NARS2: variants seen among roughly 807,000 people sequenced by gnomAD.
NARS2 encodes the protein asparaginyl-tRNA synthetase.
A neutral mutation model predicts 62.9 loss-of-function variants in NARS2; 60 were observed. The ratio of observed to expected loss-of-function variants is 0.95; its 90% CI spans 0.77 to 1.18. The LOEUF (loss-of-function observed/expected upper bound fraction) is 1.18, where lower values mean the gene tolerates loss of function less well. Among genes scored for constraint, NARS2 ranks in the 50% most tolerant of loss-of-function variants. NARS2 has a pLI of 0.00. For synonymous variants in NARS2, 196 were observed against 200.0 expected (o/e 0.98, Z 0.17); for missense variants, 619 against 576.4 (o/e 1.07, Z -0.76).
At chr11:78,504,799 T>C (rs1442625226) in intron 6 of NARS2, among the ~76,000 whole-genome samples, 2 of 152,132 alleles carry the variant, frequency 1.3e-5, no homozygotes, top group African/African-American at 4.8e-5. Flanking sequence ...ATTTAATCTG[T>C]TCGTATCTAT....
At chr11:78,454,889 T>C (rs985764273) in intron 11 of NARS2, among the ~76,000 whole-genome samples, 10 of 152,188 alleles carry the variant, frequency 6.6e-5, no homozygotes, top group African/African-American at 2.2e-4. Flanking sequence ...AGTGCTGGGA[T>C]CACAAGCATG....
chr11:78,534,810 T>C lies in NARS2; in HGVS notation c.595-5874A>G, dbSNP rs553697149. Among the ~76,000 whole-genome samples, 3 of 152,268 alleles carry C rather than the reference T, an allele frequency of 2.0e-5. No homozygotes were observed. The East Asian group carries it at 5.8e-4, about 29-fold the overall frequency. On this transcript the variant is annotated intron_variant, in intron 5 of 13. Transcript: ENST00000281038. ...AAGTAGGACCTGGAAATATGGGAGA[T>C]ACCTAAATCTGAGCGAGGACACAAA...
chr11:78,454,063 CA>C (rs1202961031), intron 11 of NARS2, among the ~76,000 whole-genome samples: 3 of 152,126 alleles, frequency 2.0e-5, no homozygotes, highest in Non-Finnish European at 4.4e-5. Context: ...TCAAGTGAAC[CA>C]GAAGAAAACA....
At chr11:78,461,922 C>T (rs550938953) in intron 11 of NARS2, among the ~76,000 whole-genome samples, 3 of 152,086 alleles carry the variant, frequency 2.0e-5, no homozygotes, top group East Asian at 1.9e-4. Context: ...CATTGCACTC[C>T]AGCCTGGAAG....
At chr11:78,483,643 C>T (rs150244232) in intron 7 of NARS2, among the ~76,000 whole-genome samples, 2,417 of 152,166 alleles carry the variant, frequency 0.016, 23 homozygotes, top group Non-Finnish European at 0.027. Context: ...TTCACAACTG[C>T]TACAAAGAGA....
intron 3 of NARS2, among the ~76,000 whole-genome samples, chr11:78,566,951 T>C (rs1312349586): frequency 1.2e-5 from 1 of 85,248 alleles, no homozygotes; most frequent in Non-Finnish European, 3.1e-5. Context: ...GCAGCCTGTT[T>C]CTTTCAGTCT....
chr11:78,554,187 T>A (rs1856240629), intron 5 of NARS2, among the ~76,000 whole-genome samples: 1 of 152,204 alleles, frequency 6.6e-6, no homozygotes. Context: ...CTTTGTTCTT[T>A]TTGCTTAGGA....
intron 5 of NARS2, among the ~76,000 whole-genome samples, chr11:78,530,039 T>C (rs971715116): frequency 6.6e-6 from 1 of 152,214 alleles, no homozygotes; most frequent in Non-Finnish European, 1.5e-5. Context: ...TGTATCGGTA[T>C]CTGTGGATAA....
chr11:78,488,654 G>A (rs1012271741), intron 7 of NARS2, among the ~76,000 whole-genome samples: 4 of 152,186 alleles, frequency 2.6e-5, no homozygotes, highest in Admixed American at 6.5e-5. Flanking sequence ...TTAATACATA[G>A]AACTTGTAAT....
chr11:78,527,602 C>T (rs1861337013), intron 6 of NARS2, among the ~76,000 whole-genome samples: 1 of 152,162 alleles, frequency 6.6e-6, no homozygotes, highest in African/African-American at 2.4e-5. Context: ...TAGCAAAGTA[C>T]AAAAGTAAAT....
intron 5 of NARS2, among the ~76,000 whole-genome samples, chr11:78,542,966 T>C (rs189719246): frequency 2.6e-5 from 4 of 152,314 alleles, no homozygotes; most frequent in African/African-American, 9.6e-5. Flanking sequence ...AGTTAAGTTA[T>C]TGATAACTGG....
intron 9 of NARS2, among the ~76,000 whole-genome samples, chr11:78,478,166 AG>A (rs1185826497): frequency 1.4e-5 from 2 of 146,210 alleles, no homozygotes; most frequent in African/African-American, 5.6e-5. Flanking sequence ...CATAGTTAAT[AG>A]TTACTAGATT....
Position 78,455,510 on chromosome 11 carries a change from A to G in NARS2, c.1164+10366T>C, listed in dbSNP as rs973724498. On this transcript the variant is annotated intron_variant, in intron 11 of 13. Transcript: ENST00000281038. ...AACTGAACAATAGCAGTACCCCAAAAAAGTCCTCCTAAGGTCTTCTTTTAG... is the reference window on the plus strand; with the variant it reads ...AACTGAACAATAGCAGTACCCCAAAGAAGTCCTCCTAAGGTCTTCTTTTAG... 4.6e-5 allele frequency among the ~76,000 whole-genome samples: 7 copies of G among 152,144 alleles called. No individual in the cohort carries two copies. The South Asian group carries it at 1.0e-3, about 23-fold the overall frequency.
chr11:78,559,218 G>A (rs1245731125), intron 5 of NARS2, among the ~76,000 whole-genome samples: 5 of 134,608 alleles, frequency 3.7e-5, no homozygotes, highest in East Asian at 2.4e-4. Context: ...CAGGAGAATC[G>A]CTTGAACCCT....
chr11:78,570,914 A>G (rs1856899302), intron 2 of NARS2, among the ~76,000 whole-genome samples: 2 of 152,298 alleles, frequency 1.3e-5, no homozygotes, highest in South Asian at 4.1e-4. Context: ...ACGGGACACT[A>G]TGGGAGCACA....
At chr11:78,561,798 G>C (rs893724897) in intron 4 of NARS2, among the ~76,000 whole-genome samples, 3 of 152,150 alleles carry the variant, frequency 2.0e-5, no homozygotes, top group African/African-American at 7.2e-5. Flanking sequence ...AGTGTCTCAC[G>C]CCTGTAATCC....
chr11:78,563,455 A>T (rs1324486824), intron 4 of NARS2, among the ~76,000 whole-genome samples: 1 of 151,750 alleles, frequency 6.6e-6, no homozygotes, highest in Non-Finnish European at 1.5e-5. Flanking sequence ...TGACCTCGTG[A>T]TCTGCCTGCC....
At chr11:78,560,456 A>AT (rs1188062171) in intron 4 of NARS2, among the ~76,000 whole-genome samples, 1 of 152,248 alleles carries the variant, frequency 6.6e-6, no homozygotes, top group African/African-American at 2.4e-5. Flanking sequence ...CACAATGTAG[A>AT]TGTTTGCAGG....
chr11:78,545,039 G>A (rs979422292), intron 5 of NARS2, among the ~76,000 whole-genome samples: 2 of 152,020 alleles, frequency 1.3e-5, no homozygotes, highest in African/African-American at 4.8e-5. Flanking sequence ...AGTGGTCAAA[G>A]TCAGCAGTTC....
Sources: gnomAD v4.1 joint callset for allele counts (sites outside exome capture counted in the v4.1 genomes callset) on GRCh38, gnomAD v4.1.1 for gene constraint, MANE v1.5 for transcripts, NCBI Gene and HGNC (gene_info 2026-07-23, HGNC 2026-07-21) for gene names.